The following EPB41L4B variants were observed in gnomAD, a reference collection of about 807,000 sequenced individuals.
EPB41L4B encodes the protein band 4.1-like protein 4B.
In EPB41L4B, 30 loss-of-function variants were observed where a neutral mutation model predicts 112.5. That is an observed-to-expected ratio of 0.27 (90% CI 0.20 to 0.36). The LOEUF (loss-of-function observed/expected upper bound fraction) is 0.36, where lower values mean the gene tolerates loss of function less well. EPB41L4B is among the 10% of genes least tolerant of loss of function. The pLI is 1.00. For synonymous variants in EPB41L4B, 408 were observed against 439.7 expected, an observed-to-expected ratio of 0.93 and a Z score of 0.90; for missense variants, 1,024 against 1,133.3, an observed-to-expected ratio of 0.90 and a Z score of 1.38.
intron 3 of EPB41L4B, among the ~76,000 whole-genome samples, chr9:109,267,876 G>A (rs1835464157): frequency 6.6e-6 from 1 of 152,152 alleles, no homozygotes; most frequent in Non-Finnish European, 1.5e-5. Flanking sequence ...TTTTTACAAA[G>A]TACAAAGGCT....
chr9:109,293,977 T>C (rs1836635936), intron 1 of EPB41L4B, among the ~76,000 whole-genome samples: 1 of 152,102 alleles, frequency 6.6e-6, no homozygotes, highest in Non-Finnish European at 1.5e-5. Context: ...ATAATTGCAC[T>C]AAACCCATCA....
At chr9:109,251,369 A>G (rs1588172428) in intron 13 of EPB41L4B, 112 bp downstream of exon 13, 1 of 1,049,306 alleles carries the variant, frequency 9.5e-7, no homozygotes, top group Non-Finnish European at 1.5e-6. Flanking sequence ...GGGGAAAAAA[A>G]TTACCAGATG....
At chr9:109,268,245 A>G in intron 3 of EPB41L4B, 146 bp downstream of exon 3, 2 of 757,644 alleles carry the variant, frequency 2.6e-6, no homozygotes, top group Middle Eastern at 3.2e-4. Context: ...GGCTAGCCTT[A>G]AGAAATTAAA....
intron 6 of EPB41L4B, among the ~76,000 whole-genome samples, chr9:109,258,590 C>T (rs1329675908): frequency 1.3e-5 from 2 of 152,150 alleles, no homozygotes; most frequent in African/African-American, 4.8e-5. Flanking sequence ...ATTTTCCCCA[C>T]GAAGGGGTAG....
intron 1 of EPB41L4B, among the ~76,000 whole-genome samples, chr9:109,307,894 C>T (rs879677265): frequency 2.2e-4 from 33 of 152,122 alleles, no homozygotes; most frequent in Non-Finnish European, 4.1e-4. Context: ...TGGGGGGCTA[C>T]GTGCAGGAAG....
chr9:109,302,453 C>T (rs979777910), intron 1 of EPB41L4B, among the ~76,000 whole-genome samples: 2 of 152,168 alleles, frequency 1.3e-5, no homozygotes, highest in African/African-American at 4.8e-5. Flanking sequence ...AGACCTTATC[C>T]CCAAATACAG....
intron 2 of EPB41L4B, among the ~76,000 whole-genome samples, 172 bp downstream of exon 2, chr9:109,279,645 A>T (rs2014890): frequency 0.65 from 99,269 of 152,108 alleles, 32,797 homozygotes; most frequent in Middle Eastern, 0.83. Context: ...GGCATCCTAC[A>T]AGCATTGTGA....
chr9:109,201,576 T>C (rs1451126477), intron 19 of EPB41L4B, among the ~76,000 whole-genome samples: 3 of 152,130 alleles, frequency 2.0e-5, no homozygotes, highest in Non-Finnish European at 4.4e-5. Context: ...AAAGGGAACA[T>C]GGTCCCTGAA....
At chr9:109,304,198 A>G (rs1837084716) in intron 1 of EPB41L4B, among the ~76,000 whole-genome samples, 1 of 152,264 alleles carries the variant, frequency 6.6e-6, no homozygotes, top group African/African-American at 2.4e-5. Flanking sequence ...TGTCTGGCAC[A>G]TAGTAAGCAC....
chr9:109,243,662 G>T lies in EPB41L4B; in HGVS notation c.1365C>A (p.Ile455=). ...GATGCCACCGGGGCTGGCTGGGATGGATATTAGGATGATATTGAGGCTAGA... is the reference window on the plus strand; with the variant it reads ...GATGCCACCGGGGCTGGCTGGGATGTATATTAGGATGATATTGAGGCTAGA... ...HNYQPQYHPN[I]HPSQPRWHPH... is the part of the protein sequence containing the mutation. Residue 455 remains isoleucine (I), a synonymous_variant, in exon 15 of 26, where the codon ATC becomes ATA. Coordinates refer to ENST00000374566, the MANE Select transcript of EPB41L4B (RefSeq NM_019114.5). 1 of 1,614,190 alleles carries T rather than the reference G, an allele frequency of 6.2e-7. No homozygotes were observed. Among genetic ancestry groups the T allele is most frequent in the Non-Finnish European group, 8.5e-7 (1 of 1,180,014 alleles).
Position 109,251,503 on chromosome 9 carries a change from G to C in EPB41L4B, c.1288C>G (p.Pro430Ala). 6.2e-7 allele frequency: 1 copy of C among 1,614,034 alleles called. No homozygotes were observed. Among genetic ancestry groups the C allele is most frequent in the Non-Finnish European group, 8.5e-7 (1 of 1,179,868 alleles). The change falls in exon 13 of 26, where the codon CCA becomes GCA. Residue 430 changes from proline to alanine, a missense_variant. Transcript: ENST00000374566. ...RRHSTFKASN[P>A]VIAAQLCSKT... ...CACCAGAGCTGGGCTGCTATCACTG[G>C]GTTGCTTGCTATAAAGGAAAAACAG...
At chr9:109,265,298 C>T (rs1835361057) in intron 4 of EPB41L4B, among the ~76,000 whole-genome samples, 1 of 152,234 alleles carries the variant, frequency 6.6e-6, no homozygotes, top group Non-Finnish European at 1.5e-5. Context: ...ATGACGGCCT[C>T]CACAACCCCC....
At chr9:109,287,007 C>G (rs1401483566) in intron 1 of EPB41L4B, among the ~76,000 whole-genome samples, 1 of 152,178 alleles carries the variant, frequency 6.6e-6, no homozygotes, top group Non-Finnish European at 1.5e-5. Context: ...TCCCAAAGAC[C>G]AACAACTGGT....
At chr9:109,302,453 C>A (rs979777910) in intron 1 of EPB41L4B, among the ~76,000 whole-genome samples, 3 of 152,168 alleles carry the variant, frequency 2.0e-5, no homozygotes, top group Admixed American at 6.5e-5. Context: ...AGACCTTATC[C>A]CCAAATACAG....
Position 109,320,117 on chromosome 9 carries a change from C to G in EPB41L4B, c.306+24G>C, listed in dbSNP as rs748453341. ...CCTCCAGGGGCGCGAGGTGCCAGTG[C>G]CCCAGACTGGCCCCGTCACTCACCG... On this transcript the variant is annotated intron_variant, in intron 1 of 25. Coordinates refer to ENST00000374566, the MANE Select transcript of EPB41L4B (RefSeq NM_019114.5). 3.5e-6 allele frequency: 5 copies of G among 1,423,100 alleles called. No individual in the cohort carries two copies. In the African/African-American group the frequency reaches 7.5e-5, roughly 21 times the overall value. The allele number at this position is 1,423,100 out of a possible 1,614,324, so 88.2% of individuals were successfully genotyped here. A position where few individuals can be genotyped will look rare whatever the true frequency, so the allele number is the denominator to read the frequency against.
At position 109,261,847 on chromosome 9, in the gene EPB41L4B, C is replaced by A. The variant is rs1366376949; in HGVS notation, c.631+1203G>T. ...TCTCAGTTCCACTTTTAAAAACTGG[C>A]CAAATACAAAAGTGAGAAGTCAATT... On this transcript the variant is annotated intron_variant, in intron 6 of 25. Transcript: ENST00000374566. 2.0e-5 allele frequency among the ~76,000 whole-genome samples: 3 copies of A among 152,026 alleles called. No individual in the cohort carries two copies. In the East Asian group the frequency reaches 5.8e-4, roughly 29 times the overall value.
intron 15 of EPB41L4B, chr9:109,241,529 A>T: frequency 6.8e-7 from 1 of 1,478,768 alleles, no homozygotes; most frequent in Non-Finnish European, 8.9e-7. Flanking sequence ...ATTTACATGG[A>T]CACCAAAAAC....
intron 2 of EPB41L4B, among the ~76,000 whole-genome samples, chr9:109,275,483 C>T (rs539975706): frequency 1.1e-4 from 16 of 152,306 alleles, no homozygotes; most frequent in African/African-American, 3.4e-4. Flanking sequence ...CCAAAAGCCT[C>T]TTGATTAAAT....
Position 109,255,817 on chromosome 9 carries a change from T to C in EPB41L4B, c.956A>G (p.Lys319Arg), listed in dbSNP as rs200699162. 118 of 1,613,754 alleles carry C rather than the reference T, an allele frequency of 7.3e-5. No individual in the cohort carries two copies. Among genetic ancestry groups the C allele is most frequent in the Non-Finnish European group, 9.4e-5 (111 of 1,179,952 alleles). The change falls in exon 10 of 26, where the codon AAA becomes AGA. Residue 319 changes from lysine (K) to arginine (R), a missense_variant. Transcript: ENST00000374566. ...FWPKITKMDF[K>R]KSKLTLVVVE... ...CACCACGAGTGTCAATTTGCTCTTTTTAAAATCCATTTTGGTAATTTTAGG... is the reference window on the plus strand; with the variant it reads ...CACCACGAGTGTCAATTTGCTCTTTCTAAAATCCATTTTGGTAATTTTAGG...
Sources: allele counts gnomAD v4.1 joint callset (sites outside exome capture counted in the v4.1 genomes callset), GRCh38; gene constraint gnomAD v4.1.1; transcripts MANE v1.5; gene names NCBI Gene and HGNC (gene_info 2026-07-23, HGNC 2026-07-21).